CFAP47: variants seen among roughly 807,000 people sequenced by gnomAD.
The protein encoded by CFAP47 is cilia- and flagella-associated protein 47.
Under a neutral mutation model 148.1 loss-of-function variants are expected in CFAP47, and 29 were observed. The observed-to-expected ratio is 0.20, with a 90% CI of 0.15 to 0.27. The LOEUF (loss-of-function observed/expected upper bound fraction) is 0.27, where lower values mean the gene tolerates loss of function less well. CFAP47 is among the 10% of genes least tolerant of loss of function. The pLI, the probability that CFAP47 is intolerant of heterozygous loss-of-function variation, is 1.00. For missense variants in CFAP47, 1,872 were observed against 1,697.5 expected (o/e 1.10, Z -1.81); for synonymous variants, 664 against 577.3 (o/e 1.15, Z -2.15).
At chrX:36,215,044 T>C (rs1225424725) in intron 45 of CFAP47, among the ~76,000 whole-genome samples, 3 of 111,504 alleles carry the variant, frequency 2.7e-5, no homozygotes, top group Non-Finnish European at 5.6e-5. Context: ...TTTATACCAC[T>C]TGGCAGCTCA....
Position 36,271,147 on chromosome X carries a change from T to G in CFAP47, c.7445-9340T>G, listed in dbSNP as rs185724252. 5.0e-4 allele frequency among the ~76,000 whole-genome samples: 56 copies of G among 111,981 alleles called. No homozygotes were observed. The Admixed American group carries it at 5.2e-3, about 10-fold the overall frequency. ...GAAGATTTTTTAGGCCATTATAGTC[T>G]TGCTTCAATGATTTTATAGATTTTG... On this transcript the variant is annotated intron_variant, in intron 49 of 63. Transcript: ENST00000378653.
At chrX:36,361,782 C>A (rs1438518177) in intron 61 of CFAP47, among the ~76,000 whole-genome samples, 1 of 111,579 alleles carries the variant, frequency 9.0e-6, no homozygotes, top group Non-Finnish European at 1.9e-5. Context: ...TCTGTAAAAT[C>A]TTTTTTTAAA....
intron 2 of CFAP47, among the ~76,000 whole-genome samples, chrX:35,939,756 C>T (rs1235734477): frequency 1.3e-3 from 131 of 97,292 alleles, no homozygotes; most frequent in African/African-American, 4.6e-3. Context: ...AGTAAACATA[C>T]GTGTGCATGT....
chrX:36,329,506 G>A (rs1556013688), intron 57 of CFAP47, among the ~76,000 whole-genome samples: 2 of 111,661 alleles, frequency 1.8e-5, no homozygotes, highest in African/African-American at 6.5e-5. Context: ...AAGAACAGCA[G>A]TGGAATAATT....
chrX:36,350,179 T>A (rs1477569483), intron 59 of CFAP47, 47 bp downstream of exon 59: 19 of 821,670 alleles, frequency 2.3e-5, no homozygotes, highest in Non-Finnish European at 2.8e-5. Context: ...TTAGAGACCT[T>A]AGATATTCTC....
chrX:36,205,456 A>G (rs1279322964), intron 45 of CFAP47, among the ~76,000 whole-genome samples: 10 of 111,407 alleles, frequency 9.0e-5, no homozygotes, highest in Non-Finnish European at 1.7e-4. Context: ...TGGTTATGGA[A>G]GTTGTGCTGA....
intron 49 of CFAP47, among the ~76,000 whole-genome samples, chrX:36,257,454 C>T (rs1256674444): frequency 4.7e-5 from 5 of 105,740 alleles, no homozygotes; most frequent in African/African-American, 7.0e-5. Flanking sequence ...GAGACAGGGT[C>T]TCACCCTGTT....
Position 36,144,887 on chromosome X carries a change from T to C in CFAP47, c.5536-332T>C, listed in dbSNP as rs747360255. On this transcript the variant is annotated intron_variant, in intron 35 of 63. Transcript: ENST00000378653. ...GGGCTTTCAGCCTTCGGCCTCAGAA[T>C]GGGGCCTGCACTGTAGCTTCCCTGG... 3.1e-6 allele frequency: 3 copies of C among 958,243 alleles called. No individual in the cohort carries two copies. The East Asian group carries it at 1.7e-4, about 55-fold the overall frequency. The allele number at this position is 958,243 out of a possible 1,213,427, so 79.0% of individuals were successfully genotyped here.
chrX:36,235,310 G>T (rs1400585339), intron 46 of CFAP47, among the ~76,000 whole-genome samples: 2 of 112,476 alleles, frequency 1.8e-5, no homozygotes, highest in African/African-American at 6.5e-5. Flanking sequence ...ACCTAAACAA[G>T]CCTGGGCAAT....
At chrX:35,953,484 C>A in intron 6 of CFAP47, 108 bp from the exon 7 acceptor site, 2 of 566,926 alleles carry the variant, frequency 3.5e-6, no homozygotes, top group Non-Finnish European at 5.4e-6. Flanking sequence ...CATTCCTTAA[C>A]ATTCATTTGC....
intron 62 of CFAP47, chrX:36,367,953 C>T (rs782443514): frequency 8.1e-5 from 9 of 111,736 alleles, no homozygotes; most frequent in Non-Finnish European, 1.5e-4. Context: ...ATCCATTTCT[C>T]GAGGGCTGAA....
chrX:36,281,040 C>A (rs1941073850), intron 50 of CFAP47, among the ~76,000 whole-genome samples: 1 of 111,789 alleles, frequency 8.9e-6, no homozygotes, highest in South Asian at 3.7e-4. Context: ...ATTTTTCCCC[C>A]TATATTATAA....
At chrX:36,076,673 C>G (rs148171880) in intron 29 of CFAP47, among the ~76,000 whole-genome samples, 206 of 111,134 alleles carry the variant, frequency 1.9e-3, no homozygotes, top group African/African-American at 6.6e-3. Flanking sequence ...AATATTTGCT[C>G]CCATTCTGTA....
intron 33 of CFAP47, among the ~76,000 whole-genome samples, chrX:36,109,221 G>T (rs936856490): frequency 8.9e-6 from 1 of 111,843 alleles, no homozygotes; most frequent in Non-Finnish European, 1.9e-5. Flanking sequence ...TTGATTGCAT[G>T]TCATTGCTAT....
chrX:36,356,156 T>C (rs1341595511), intron 60 of CFAP47, among the ~76,000 whole-genome samples: 1 of 111,814 alleles, frequency 8.9e-6, no homozygotes, highest in Non-Finnish European at 1.9e-5. Flanking sequence ...TTGATATGGC[T>C]CTTATTTTAC....
At chrX:36,093,693 A>T (rs1196860481) in intron 30 of CFAP47, among the ~76,000 whole-genome samples, 3 of 110,899 alleles carry the variant, frequency 2.7e-5, no homozygotes, top group Non-Finnish European at 5.7e-5. Flanking sequence ...ATAAATATAA[A>T]AATTTTAAAA....
intron 61 of CFAP47, among the ~76,000 whole-genome samples, chrX:36,366,348 G>A (rs1556020270): frequency 1.8e-5 from 2 of 111,576 alleles, no homozygotes; most frequent in African/African-American, 6.5e-5. Flanking sequence ...TGCTTTGAAA[G>A]TCTTAAGTCT....
intron 2 of CFAP47, among the ~76,000 whole-genome samples, chrX:35,928,879 A>G (rs1226789665): frequency 9.0e-6 from 1 of 111,119 alleles, no homozygotes; most frequent in Non-Finnish European, 1.9e-5. Context: ...TAGATGTTCA[A>G]TTGCTCTGAC....
At chrX:36,233,761 C>G in intron 46 of CFAP47, among the ~76,000 whole-genome samples, 1 of 110,875 alleles carries the variant, frequency 9.0e-6, no homozygotes, top group Non-Finnish European at 1.9e-5. Flanking sequence ...ACCGGTTGTT[C>G]CTTTCCATGT....
Sources: allele counts gnomAD v4.1 joint callset (sites outside exome capture counted in the v4.1 genomes callset), GRCh38; gene constraint gnomAD v4.1.1; transcripts MANE v1.5; gene names NCBI Gene and HGNC (gene_info 2026-07-23, HGNC 2026-07-21).